LATS2: variants seen among roughly 807,000 people sequenced by gnomAD.
LATS2 encodes serine/threonine-protein kinase LATS2.
A neutral mutation model predicts 76.0 loss-of-function variants in LATS2; 24 were observed. That is an observed-to-expected ratio of 0.32 (90% CI 0.23 to 0.44). LATS2 has a LOEUF of 0.44. LATS2 is among the 20% of genes least tolerant of loss of function. The pLI is 1.00. For missense variants in LATS2, 1,286 were observed against 1,481.2 expected (o/e 0.87, Z 2.16); for synonymous variants, 692 against 635.4 (o/e 1.09, Z -1.34).
At chr13:21,054,456 G>A (rs1873383138) in intron 1 of LATS2, among the ~76,000 whole-genome samples, 1 of 152,126 alleles carries the variant, frequency 6.6e-6, no homozygotes, top group Non-Finnish European at 1.5e-5. Flanking sequence ...TACACAATGA[G>A]AAGACTGGAC....
At chr13:21,017,081 C>G (rs561700164) in intron 2 of LATS2, among the ~76,000 whole-genome samples, 1 of 152,208 alleles carries the variant, frequency 6.6e-6, no homozygotes, top group Non-Finnish European at 1.5e-5. Flanking sequence ...ACCCAGATTT[C>G]TAAGGACTGG....
chr13:21,029,026 C>T (rs1325904039), intron 2 of LATS2, among the ~76,000 whole-genome samples: 1 of 152,186 alleles, frequency 6.6e-6, no homozygotes, highest in Non-Finnish European at 1.5e-5. Context: ...TAAAAAGGAT[C>T]ATGTCAAATG....
At chr13:21,012,030 C>CA (rs1871611551) in intron 2 of LATS2, among the ~76,000 whole-genome samples, 1 of 152,158 alleles carries the variant, frequency 6.6e-6, no homozygotes, top group African/African-American at 2.4e-5. Flanking sequence ...GGCCAGGAAT[C>CA]ATTTTTTTTT....
At chr13:20,990,842 CT>C (rs1870476867) in intron 3 of LATS2, among the ~76,000 whole-genome samples, 1 of 152,240 alleles carries the variant, frequency 6.6e-6, no homozygotes, top group Non-Finnish European at 1.5e-5. Flanking sequence ...TGAACCCCCA[CT>C]CTCAGAAGCT....
At chr13:21,013,957 C>T (rs2138346146) in intron 2 of LATS2, among the ~76,000 whole-genome samples, 1 of 150,922 alleles carries the variant, frequency 6.6e-6, no homozygotes, top group South Asian at 2.1e-4. Context: ...GGCAACAGAG[C>T]AAGACCCCCA....
At chr13:21,001,914 A>G (rs969270106) in intron 2 of LATS2, among the ~76,000 whole-genome samples, 4 of 151,504 alleles carry the variant, frequency 2.6e-5, no homozygotes, top group African/African-American at 9.7e-5. Flanking sequence ...AACAAATTTT[A>G]AAAATCCATT....
At position 20,987,975 on chromosome 13, in the gene LATS2, A is replaced by C; in HGVS notation, c.1805T>G (p.Phe602Cys). 1.9e-6 allele frequency: 3 copies of C among 1,614,220 alleles called. No individual in the cohort carries two copies. The highest frequency in any genetic ancestry group is 2.5e-6 in the Non-Finnish European group (3 of 1,180,040). Residue 602 changes from phenylalanine to cysteine, a missense_variant, in exon 4 of 8, where the codon TTT becomes TGT. By Grantham distance (205) the Phe-to-Cys change is radical (BLOSUM62 -2). Around this residue, in one of 5 missense-constraint regions of LATS2, gnomAD observed 710 missense variants for 660.9 expected, o/e 1.07. Transcript: ENST00000382592. ...SRIKSYSPYA[F>C]KFFMEQHVEN... ...CACGTGCTGCTCCATGAAGAACTTA[A>C]AGGCGTATGGCGAGTAGCTCTTGAT...
chr13:21,050,289 C>T (rs1032549145), intron 1 of LATS2, among the ~76,000 whole-genome samples: 1 of 151,876 alleles, frequency 6.6e-6, no homozygotes, highest in Non-Finnish European at 1.5e-5. Context: ...GTAAGATTGA[C>T]AAATGTTCAC....
At chr13:21,050,946 G>A (rs1200448709) in intron 1 of LATS2, among the ~76,000 whole-genome samples, 2 of 152,260 alleles carry the variant, frequency 1.3e-5, no homozygotes, top group African/African-American at 4.8e-5. Flanking sequence ...CACGTGAGGG[G>A]GGGCAGGAAA....
intron 2 of LATS2, among the ~76,000 whole-genome samples, chr13:21,018,640 C>G (rs1871907293): frequency 6.6e-6 from 1 of 152,122 alleles, no homozygotes; most frequent in South Asian, 2.1e-4. Context: ...ACTCTCCGAG[C>G]CTTCTTTTCT....
intron 2 of LATS2, among the ~76,000 whole-genome samples, chr13:21,011,912 A>G (rs1483298840): frequency 6.6e-6 from 1 of 152,234 alleles, no homozygotes; most frequent in Non-Finnish European, 1.5e-5. Context: ...TCCTCACTTA[A>G]CATCATCATT....
Position 20,981,641 on chromosome 13 carries a change from A to G in LATS2, c.2490T>C (p.His830=), listed in dbSNP as rs1345545281. 5 of 1,598,002 alleles carry G rather than the reference A, an allele frequency of 3.1e-6. No individual in the cohort carries two copies. The highest frequency in any genetic ancestry group is 2.7e-5 in the African/African-American group (2 of 74,068). Residue 830 remains histidine, a synonymous_variant, in exon 6 of 8, where the codon CAT becomes CAC. Coordinates refer to ENST00000382592, the MANE Select transcript of LATS2 (RefSeq NM_014572.3). The part of the protein sequence containing the change: ...HNSKYYQKGS[H]VRQDSMEPSD... The stretch of plus-strand genomic sequence containing the variant: ...TGGGCTCCATGCTGTCCTGTCTGAC[A>G]TGGCTCCCTTCACCCAGGAATCAGG...
intron 2 of LATS2, among the ~76,000 whole-genome samples, chr13:21,019,328 ATT>A (rs1871941733): frequency 7.0e-6 from 1 of 142,216 alleles, no homozygotes; most frequent in East Asian, 2.0e-4. Context: ...TATTATTATT[ATT>A]ATTATTATTA....
rs1870194977 is a variant in LATS2, at chr13:20,987,229, A to AT, written c.1899+651_1899+652insA. 2.0e-5 allele frequency among the ~76,000 whole-genome samples: 3 copies of AT among 151,954 alleles called. No homozygotes were observed. In the South Asian group the frequency reaches 6.2e-4, roughly 32 times the overall value. On this transcript the variant is annotated intron_variant, in intron 4 of 7. Coordinates refer to ENST00000382592, the MANE Select transcript of LATS2 (RefSeq NM_014572.3). ...TAAAAAATAAAAAATAAAAATAAAA[A>AT]AAACACAAATGAAAAGTATATCTGT...
intron 2 of LATS2, among the ~76,000 whole-genome samples, chr13:21,001,295 G>A (rs182757600): frequency 2.0e-5 from 3 of 152,264 alleles, no homozygotes; most frequent in Admixed American, 6.5e-5. Flanking sequence ...TGGTTTCAGG[G>A]GTCCTGGATC....
intron 1 of LATS2, among the ~76,000 whole-genome samples, chr13:21,060,487 C>T (rs1378727228): frequency 6.6e-6 from 1 of 152,214 alleles, no homozygotes; most frequent in Non-Finnish European, 1.5e-5. Flanking sequence ...AGACCGTGAG[C>T]AAACTCGCAG....
chr13:20,973,518 G>C lies in LATS2; in HGVS notation c.*1352C>G, dbSNP rs1196449960. On this transcript the variant is annotated 3_prime_UTR_variant, in exon 8 of 8. Coordinates refer to ENST00000382592, the MANE Select transcript of LATS2 (RefSeq NM_014572.3). Reference sequence around the variant, plus strand: ...TAAGGAATATTGTGTTTATCTCTGTGTGTGTGTGTGTGTGTGTATACACGC... The same window carrying C: ...TAAGGAATATTGTGTTTATCTCTGTCTGTGTGTGTGTGTGTGTATACACGC... The C allele has an allele frequency of 7.3e-5, 13 of 177,056 alleles. No individual in the cohort carries two copies. The highest frequency in any genetic ancestry group is 2.1e-3 in the Middle Eastern group (1 of 470). 11.0% of individuals were successfully genotyped at this position (177,056 alleles called of 1,614,324 possible). A position where few individuals can be genotyped will look rare whatever the true frequency, so the allele number is the denominator to read the frequency against.
intron 2 of LATS2, among the ~76,000 whole-genome samples, chr13:21,012,647 G>C (rs914457520): frequency 1.3e-5 from 2 of 152,182 alleles, no homozygotes; most frequent in African/African-American, 2.4e-5. Flanking sequence ...TCATGGCTTT[G>C]TTGGATGGTA....
Position 20,988,946 on chromosome 13 carries a change from C to A in LATS2, c.834G>T (p.Lys278Asn). Reference protein sequence around the residue: ...GVQRSPSFQSKTPPETGGYAS... With the variant: ...GVQRSPSFQSNTPPETGGYAS... ...CGTAACCCCCGGTCTCCGGCGGCGT[C>A]TTGCTCTGGAAGGAGGGGCTGCGCT... Residue 278 changes from lysine to asparagine, a missense_variant, in exon 4 of 8, where the codon AAG (lysine) becomes AAT (asparagine). Around this residue, in one of 5 missense-constraint regions of LATS2, gnomAD observed 710 missense variants for 660.9 expected, o/e 1.07. Transcript: ENST00000382592. 6.5e-7 allele frequency: 1 copy of A among 1,533,720 alleles called. No homozygotes were observed. Among genetic ancestry groups the A allele is most frequent in the Non-Finnish European group, 8.7e-7 (1 of 1,144,544 alleles).
Sources: allele counts gnomAD v4.1 joint callset (sites outside exome capture counted in the v4.1 genomes callset), GRCh38; gene constraint gnomAD v4.1.1; regional missense constraint gnomAD v4.1.1; transcripts MANE v1.5; gene names NCBI Gene and HGNC (gene_info 2026-07-23, HGNC 2026-07-21).